Variants in NAP1L4 observed in about 807,000 individuals in gnomAD.
The protein encoded by NAP1L4 is nucleosome assembly protein 1-like 4.
Under a neutral mutation model 58.2 loss-of-function variants are expected in NAP1L4, and 15 were observed. The observed-to-expected ratio is 0.26, with a 90% CI of 0.17 to 0.40. The LOEUF (loss-of-function observed/expected upper bound fraction) is 0.40. Among genes scored for constraint, NAP1L4 ranks in the 10% least tolerant of loss-of-function variants. NAP1L4 has a pLI of 1.00. For synonymous variants in NAP1L4, 171 were observed against 155.6 expected (o/e 1.10, Z -0.74); for missense variants, 384 against 451.1 (o/e 0.85, Z 1.35).
chr11:2,957,764 A>C (rs189869053), intron 10 of NAP1L4, among the ~76,000 whole-genome samples: 140 of 152,348 alleles, frequency 9.2e-4, no homozygotes, highest in Middle Eastern at 3.4e-3. Context: ...AAACAAAAAG[A>C]AGCAGCTTCC....
Position 2,945,565 on chromosome 11 carries a change from TG to T in NAP1L4, c.*113del. ...AGGACCGAGGCCCCGCCCACAGGCCTGGAGTCCCGACAGCCGGTCTGCCAGG... is the reference window on the plus strand; with the variant it reads ...AGGACCGAGGCCCCGCCCACAGGCCTGAGTCCCGACAGCCGGTCTGCCAGG... On this transcript the variant is annotated 3_prime_UTR_variant, in exon 16 of 16. Transcript: ENST00000380542. 1 of 1,527,716 alleles carries T rather than the reference TG, an allele frequency of 6.5e-7. No homozygotes were observed. The highest frequency in any genetic ancestry group is 8.8e-7 in the Non-Finnish European group (1 of 1,139,612). The allele number at this position is 1,527,716 out of a possible 1,614,324, so 94.6% of individuals were successfully genotyped here.
chr11:2,987,644 C>T (rs941301219), intron 1 of NAP1L4, among the ~76,000 whole-genome samples: 40 of 148,500 alleles, frequency 2.7e-4, no homozygotes, highest in African/African-American at 9.7e-4. Flanking sequence ...GTAATCCCAG[C>T]TACTTGGGAG....
chr11:2,960,029 G>C, intron 8 of NAP1L4, 120 bp from the exon 9 acceptor site: 18 of 1,042,302 alleles, frequency 1.7e-5, no homozygotes, highest in East Asian at 2.7e-5. Context: ...ATAGGGCCAT[G>C]AACAAGAAAA....
chr11:2,954,743 A>G lies in NAP1L4; in HGVS notation c.916-97T>C, dbSNP rs1246974873. 2 of 1,539,136 alleles carry G rather than the reference A, an allele frequency of 1.3e-6. No homozygotes were observed. The highest frequency in any genetic ancestry group is 1.8e-6 in the Non-Finnish European group (2 of 1,118,798). On this transcript the variant is annotated intron_variant, in intron 11 of 15. Transcript: ENST00000380542. This position sits in a 1 kb window ranked among gnomAD's most constrained non-coding sequence, Gnocchi z 4.8. ...AACCTCAGCCCCTCACTTTTGATTTACTTAACTTAAAACACCAAACTCCTG... is the reference window on the plus strand; with the variant it reads ...AACCTCAGCCCCTCACTTTTGATTTGCTTAACTTAAAACACCAAACTCCTG...
intron 7 of NAP1L4, among the ~76,000 whole-genome samples, chr11:2,965,314 T>C (rs1273727840): frequency 1.3e-5 from 2 of 152,250 alleles, no homozygotes; most frequent in African/African-American, 4.8e-5. Flanking sequence ...CAAACCTCGA[T>C]AGTGCAGCCT....
intron 8 of NAP1L4, among the ~76,000 whole-genome samples, chr11:2,962,669 GAAAAAA>G (rs946856294): frequency 7.0e-6 from 1 of 143,530 alleles, no homozygotes; most frequent in African/African-American, 2.6e-5. Flanking sequence ...GAAGTAAAAA[GAAAAAA>G]AAAAATTACT....
intron 1 of NAP1L4, among the ~76,000 whole-genome samples, chr11:2,982,951 C>T (rs751681890): frequency 2.9e-4 from 44 of 152,082 alleles, no homozygotes; most frequent in Non-Finnish European, 6.0e-4. Flanking sequence ...ACCCAGGAGG[C>T]GGAGTTTGCA....
chr11:2,952,931 G>A (rs988858518), intron 12 of NAP1L4, among the ~76,000 whole-genome samples: 8 of 146,434 alleles, frequency 5.5e-5, no homozygotes, highest in South Asian at 2.3e-4. Context: ...GTTGGGGTAC[G>A]GTCTAGAAAG....
intron 1 of NAP1L4, among the ~76,000 whole-genome samples, chr11:2,988,351 A>T (rs114454339): frequency 0.012 from 1,824 of 152,206 alleles, 38 homozygotes; most frequent in African/African-American, 0.041. Context: ...TACCTATTTC[A>T]TATTGCAACC....
intron 1 of NAP1L4, among the ~76,000 whole-genome samples, chr11:2,988,730 G>A (rs1023679365): frequency 6.6e-6 from 1 of 152,188 alleles, no homozygotes; most frequent in Non-Finnish European, 1.5e-5. Flanking sequence ...CCAAGGACAT[G>A]AAATGAACAT....
chr11:2,991,469 T>C (rs1213030386), intron 1 of NAP1L4: 1 of 190,342 alleles, frequency 5.3e-6, no homozygotes, highest in East Asian at 1.4e-4. Context: ...TGCTTTTCCC[T>C]TGTGAAAGAC....
chr11:2,988,076 C>G (rs1848748449), intron 1 of NAP1L4: 1 of 152,202 alleles, frequency 6.6e-6, no homozygotes, highest in Non-Finnish European at 1.5e-5. Flanking sequence ...GAAATACCTG[C>G]CTCCAAACAG....
At chr11:2,992,160 GCGCCCGCGCCGGACCCGCGGCCCCACC>G (rs1849017714) in intron 1 of NAP1L4, 67 bp downstream of exon 1, 1 of 151,206 alleles carries the variant, frequency 6.6e-6, no homozygotes, top group African/African-American at 2.4e-5. Flanking sequence ...GGCCGCCGCC[GCGCCCGCGCCGGACCCGCGGCCCCACC>G]CGCCCGTCCG....
intron 6 of NAP1L4, among the ~76,000 whole-genome samples, chr11:2,970,247 G>A (rs1419938443): frequency 1.3e-5 from 2 of 152,152 alleles, no homozygotes; most frequent in Admixed American, 6.5e-5. Flanking sequence ...GTGCCATCCT[G>A]AGACAATCAT....
At chr11:2,952,018 A>C in intron 12 of NAP1L4, 1 of 624,196 alleles carries the variant, frequency 1.6e-6, no homozygotes, top group Non-Finnish European at 2.9e-6. Context: ...AGTCACGCAA[A>C]ACAAGGAATA....
chr11:2,965,333 C>G (rs529328415), intron 7 of NAP1L4, among the ~76,000 whole-genome samples: 5 of 152,350 alleles, frequency 3.3e-5, no homozygotes, highest in African/African-American at 1.2e-4. Context: ...CTACTATCCA[C>G]TATTGCTCCT....
chr11:2,958,176 T>C (rs1305265983), intron 10 of NAP1L4: 1 of 687,958 alleles, frequency 1.5e-6, no homozygotes, highest in Non-Finnish European at 2.7e-6. Context: ...TTCCCTTTCC[T>C]GCAGAAGATG....
Position 2,954,639 on chromosome 11 carries a change from T to C in NAP1L4, c.923A>G (p.Asp308Gly), listed in dbSNP as rs758057182. 6.2e-7 allele frequency: 1 copy of C among 1,614,088 alleles called. No homozygotes were observed. Among genetic ancestry groups the C allele is most frequent in the Non-Finnish European group, 8.5e-7 (1 of 1,180,050 alleles). ...ASGDGESLDE[D>G]SEFTLASDFE... is the part of the protein sequence containing the mutation. ...ATCAGAGGCTAATGTGAATTCAGAATCTTCATCCTGAGGAGGAAAAACCTA... is the reference window on the plus strand; with the variant it reads ...ATCAGAGGCTAATGTGAATTCAGAACCTTCATCCTGAGGAGGAAAAACCTA... Residue 308 changes from aspartate (D) to glycine (G), a missense_variant, in exon 12 of 16, where the codon GAT becomes GGT. Physicochemically the swap from Asp to Gly is moderately conservative, Grantham distance 94 (BLOSUM62 -1). This residue lies in a region of NAP1L4 where 296 missense variants were observed against 360.8 expected (regional missense o/e 0.82). Transcript: ENST00000380542. This position sits in a 1 kb window ranked among gnomAD's most constrained non-coding sequence, Gnocchi z 4.8.
At chr11:2,960,538 G>GTA (rs1329215884) in intron 8 of NAP1L4, among the ~76,000 whole-genome samples, 1 of 152,148 alleles carries the variant, frequency 6.6e-6, no homozygotes, top group Non-Finnish European at 1.5e-5. Context: ...GCAGCAACAA[G>GTA]GCATTCATGC....
Sources: allele counts gnomAD v4.1 joint callset (sites outside exome capture counted in the v4.1 genomes callset), GRCh38; gene constraint gnomAD v4.1.1; regional missense constraint gnomAD v4.1.1; non-coding constraint Gnocchi (gnomAD v3.1); transcripts MANE v1.5; gene names NCBI Gene and HGNC (gene_info 2026-07-23, HGNC 2026-07-21).